The following CDIN1 variants were observed in gnomAD, a reference collection of about 807,000 sequenced individuals.
CDIN1 encodes CDAN1 interacting nuclease 1, also known as CDAN1-interacting nuclease 1.
Under a neutral mutation model 45.3 loss-of-function variants are expected in CDIN1, and 33 were observed. That is an observed-to-expected ratio of 0.73 (90% CI 0.55 to 0.97). The LOEUF (loss-of-function observed/expected upper bound fraction) is 0.97, where lower values mean the gene tolerates loss of function less well. CDIN1 is among the 50% of genes least tolerant of loss of function. The pLI, the probability that CDIN1 is intolerant of heterozygous loss-of-function variation, is 0.00. For missense variants in CDIN1, 303 were observed against 339.4 expected (o/e 0.89, Z 0.84); for synonymous variants, 118 against 124.4 (o/e 0.95, Z 0.34).
chr15:36,598,815 G>T (rs142652658), intron 1 of CDIN1, among the ~76,000 whole-genome samples: 47 of 150,796 alleles, frequency 3.1e-4, no homozygotes, highest in African/African-American at 1.1e-3. Context: ...GAGTTTTTTT[G>T]TTTGTTTGTT....
At chr15:36,592,239 C>T (rs933352220) in intron 1 of CDIN1, among the ~76,000 whole-genome samples, 1 of 152,220 alleles carries the variant, frequency 6.6e-6, no homozygotes, top group East Asian at 1.9e-4. Flanking sequence ...CTCTTTCCAG[C>T]TTGTGAGAGC....
In CDIN1 at chr15:36,774,163, T is replaced by TGCGCGCGC. The variant is rs1555407088; in HGVS notation, c.717-34156_717-34149dup. Among the ~76,000 whole-genome samples, 914 of 143,134 alleles carry TGCGCGCGC rather than the reference T, an allele frequency of 6.4e-3. 7 individuals carry two copies. The highest frequency in any genetic ancestry group is 0.021 in the Middle Eastern group (6 of 280). The allele number at this position is 143,134 out of a possible 152,430, so 93.9% of individuals were successfully genotyped here. On this transcript the variant is annotated intron_variant, in intron 10 of 10. Transcript: ENST00000566621. ...GTGTGTGTGTGTGTGTGTGTGTGTG[T>TGCGCGCGC]GCGCGCGCGCGCATGCATGAGGGGA... is the stretch of plus-strand genomic sequence containing the variant.
chr15:36,644,412 C>G (rs1041269987), intron 2 of CDIN1, 89 bp downstream of exon 2: 2 of 1,391,188 alleles, frequency 1.4e-6, no homozygotes, highest in Non-Finnish European at 2.0e-6. Flanking sequence ...ACTGCCAGCT[C>G]TCTGATTGGG....
At chr15:36,597,571 G>A (rs73379834) in intron 1 of CDIN1, among the ~76,000 whole-genome samples, 4,939 of 152,122 alleles carry the variant, frequency 0.032, 131 homozygotes, top group South Asian at 0.13. Flanking sequence ...CCTATTTTTC[G>A]TTCTTTTCTT....
intron 10 of CDIN1, among the ~76,000 whole-genome samples, chr15:36,756,632 T>A (rs1264246127): frequency 6.6e-6 from 1 of 152,222 alleles, no homozygotes; most frequent in South Asian, 2.1e-4. Context: ...ATATCACTGA[T>A]TTACCCAATA....
At chr15:36,661,947 A>G (rs144633343) in intron 5 of CDIN1, among the ~76,000 whole-genome samples, 1 of 152,288 alleles carries the variant, frequency 6.6e-6, no homozygotes, top group African/African-American at 2.4e-5. Context: ...ATCCTCTATA[A>G]CTTATAAGGT....
intron 5 of CDIN1, among the ~76,000 whole-genome samples, chr15:36,668,657 C>G (rs2041337123): frequency 6.6e-6 from 1 of 151,958 alleles, no homozygotes. Flanking sequence ...TAGATATTGC[C>G]CAAGTGTTTA....
intron 8 of CDIN1, among the ~76,000 whole-genome samples, chr15:36,699,033 C>T (rs897460248): frequency 6.6e-6 from 1 of 152,156 alleles, no homozygotes; most frequent in African/African-American, 2.4e-5. Context: ...TGATGGGTCT[C>T]ATCTGTTCCT....
chr15:36,593,854 G>A (rs866615860), intron 1 of CDIN1, among the ~76,000 whole-genome samples: 3 of 152,134 alleles, frequency 2.0e-5, no homozygotes, highest in African/African-American at 7.2e-5. Flanking sequence ...TTGAGCCACC[G>A]CGCCTGGCTG....
intron 4 of CDIN1, among the ~76,000 whole-genome samples, chr15:36,655,483 T>C (rs555351279): frequency 6.6e-6 from 1 of 152,204 alleles, no homozygotes; most frequent in South Asian, 2.1e-4. Context: ...TGTGCCACCA[T>C]GCCCAGCTAA....
At chr15:36,717,736 T>C (rs1268649607) in intron 10 of CDIN1, among the ~76,000 whole-genome samples, 1 of 152,154 alleles carries the variant, frequency 6.6e-6, no homozygotes, top group Non-Finnish European at 1.5e-5. Flanking sequence ...TATTTTTACC[T>C]TTTTACAAAA....
At chr15:36,636,580 C>T (rs1012094574) in intron 1 of CDIN1, among the ~76,000 whole-genome samples, 5 of 151,644 alleles carry the variant, frequency 3.3e-5, no homozygotes, top group African/African-American at 9.7e-5. Flanking sequence ...AACAAAAGAA[C>T]GTAACGGAGA....
At chr15:36,620,275 C>T (rs574856187) in intron 1 of CDIN1, among the ~76,000 whole-genome samples, 16 of 152,000 alleles carry the variant, frequency 1.1e-4, no homozygotes, top group African/African-American at 1.9e-4. Context: ...GGCGTGACAC[C>T]GGGGGGCGGA....
intron 2 of CDIN1, 144 bp from the exon 3 acceptor site, chr15:36,645,079 C>A: frequency 1.5e-6 from 1 of 656,132 alleles, no homozygotes; most frequent in Admixed American, 2.6e-5. Flanking sequence ...GAAAAGAAGT[C>A]CTGCCATCAC....
intron 1 of CDIN1, chr15:36,619,213 G>A: frequency 7.6e-7 from 1 of 1,316,488 alleles, no homozygotes; most frequent in Non-Finnish European, 1.0e-6. Context: ...TATACCTCAG[G>A]GAGTGACATG....
intron 10 of CDIN1, among the ~76,000 whole-genome samples, chr15:36,752,943 T>C (rs2053514664): frequency 6.6e-6 from 1 of 152,214 alleles, no homozygotes. Flanking sequence ...CATTTCAATC[T>C]TAGGAGGGGC....
intron 1 of CDIN1, among the ~76,000 whole-genome samples, chr15:36,604,383 C>A (rs1296841651): frequency 2.9e-5 from 4 of 139,728 alleles, no homozygotes; most frequent in Non-Finnish European, 6.1e-5. Flanking sequence ...AAAAAATTAT[C>A]AATTCCATAA....
chr15:36,618,133 T>C lies in CDIN1; in HGVS notation c.102-26145T>C, dbSNP rs2038984916. ...GCTTTCCCAATGGTAGTTTTGTGAA[T>C]GGCATTAATTCACCAGGATCTTATA... On this transcript the variant is annotated intron_variant, in intron 1 of 10. Transcript: ENST00000566621. 4.2e-6 allele frequency: 3 copies of C among 719,906 alleles called. No homozygotes were observed. In the Admixed American group the frequency reaches 5.8e-5, roughly 14 times the overall value. 44.6% of individuals were successfully genotyped at this position (719,906 alleles called of 1,614,324 possible).
intron 1 of CDIN1, among the ~76,000 whole-genome samples, chr15:36,600,077 C>T (rs1411011552): frequency 6.6e-6 from 1 of 152,172 alleles, no homozygotes; most frequent in Admixed American, 6.5e-5. Context: ...TTATAAAGCT[C>T]CCACTGTTGT....
Sources: allele counts gnomAD v4.1 joint callset (sites outside exome capture counted in the v4.1 genomes callset), GRCh38; gene constraint gnomAD v4.1.1; transcripts MANE v1.5; gene names NCBI Gene and HGNC (gene_info 2026-07-23, HGNC 2026-07-21).